GLCCI1: variants seen among roughly 807,000 people sequenced by gnomAD.
The protein encoded by GLCCI1 is glucocorticoid-induced transcript 1 protein.
Under a neutral mutation model 52.2 loss-of-function variants are expected in GLCCI1, and 24 were observed. The ratio of observed to expected loss-of-function variants is 0.46; its 90% CI spans 0.33 to 0.65. The LOEUF is 0.65. Ranked by LOEUF, GLCCI1 falls within the 30% of genes least tolerant of loss-of-function variation. The pLI is 0.02. For synonymous variants in GLCCI1, 310 were observed against 276.5 expected (o/e 1.12, Z -1.20); for missense variants, 704 against 701.5 (o/e 1.00, Z -0.04).
intron 1 of GLCCI1, among the ~76,000 whole-genome samples, chr7:7,995,907 AAT>A (rs951331109): frequency 1.9e-4 from 29 of 151,914 alleles, no homozygotes; most frequent in African/African-American, 6.7e-4. Flanking sequence ...TAATAAAAAA[AAT>A]AAAATAAATT....
chr7:7,999,236 T>C lies in GLCCI1; in HGVS notation c.458-4672T>C, dbSNP rs75568341. ...ATTAAGTAAATATAGAGTAAATAAGTAAAAGTATAGATTAGAATATTATTA... is the reference window on the plus strand; with the variant it reads ...ATTAAGTAAATATAGAGTAAATAAGCAAAAGTATAGATTAGAATATTATTA... On this transcript the variant is annotated intron_variant, in intron 1 of 7. Transcript: ENST00000223145. Among the ~76,000 whole-genome samples the C allele has an allele frequency of 1.7e-3, 258 of 152,166 alleles. 2 individuals carry two copies. The East Asian group carries it at 0.027, about 16-fold the overall frequency.
chr7:7,970,026 T>C (rs750877723), intron 1 of GLCCI1: 520 of 398,352 alleles, frequency 1.3e-3, no homozygotes, highest in Non-Finnish European at 1.8e-3. Context: ...GAGTCTCTCT[T>C]CCATCACTCG....
intron 6 of GLCCI1, among the ~76,000 whole-genome samples, chr7:8,074,455 G>A (rs931620374): frequency 6.6e-5 from 10 of 151,900 alleles, no homozygotes; most frequent in African/African-American, 1.5e-4. Flanking sequence ...AGGTCAAGGC[G>A]GGCAGCTCAC....
At chr7:8,061,647 C>G (rs1344386449) in intron 5 of GLCCI1, among the ~76,000 whole-genome samples, 1 of 138,456 alleles carries the variant, frequency 7.2e-6, no homozygotes, top group Non-Finnish European at 1.5e-5. Context: ...TCTCTGTTTA[C>G]CATTGAACTC....
At chr7:8,018,684 C>T (rs557832981) in intron 2 of GLCCI1, among the ~76,000 whole-genome samples, 3 of 152,194 alleles carry the variant, frequency 2.0e-5, no homozygotes, top group South Asian at 4.1e-4. Context: ...ATCCTTTTTA[C>T]ATAGAGGCTT....
intron 3 of GLCCI1, among the ~76,000 whole-genome samples, chr7:8,041,903 T>C (rs552818144): frequency 6.6e-6 from 1 of 152,300 alleles, no homozygotes; most frequent in Admixed American, 6.5e-5. Context: ...CAGCTGATGA[T>C]TTAAGCCAGT....
At chr7:8,030,664 AAGG>A (rs1391165518) in intron 3 of GLCCI1, among the ~76,000 whole-genome samples, 1 of 152,188 alleles carries the variant, frequency 6.6e-6, no homozygotes, top group Non-Finnish European at 1.5e-5. Context: ...CAGAATATAT[AAGG>A]AGCTCAAAGA....
intron 3 of GLCCI1, among the ~76,000 whole-genome samples, chr7:8,053,719 A>G (rs1782322139): frequency 6.6e-6 from 1 of 152,142 alleles, no homozygotes. Context: ...CTTCTTGACT[A>G]GAATTTGAAA....
chr7:8,083,859 AAC>A lies in GLCCI1; in HGVS notation c.1178-1036_1178-1035del, dbSNP rs549153665. On this transcript the variant is annotated intron_variant, in intron 6 of 7. Transcript: ENST00000223145. ...GTTATAACTTCATTAATGATGATAA[AAC>A]ATTCTTATTAGTCAGATTTTAAATA... Among the ~76,000 whole-genome samples, 130 of 152,308 alleles carry A rather than the reference AAC, an allele frequency of 8.5e-4. 1 individual carries two copies. The South Asian group carries it at 0.018, about 21-fold the overall frequency.
At chr7:8,073,463 G>C (rs1336024541) in intron 6 of GLCCI1, among the ~76,000 whole-genome samples, 1 of 151,938 alleles carries the variant, frequency 6.6e-6, no homozygotes, top group East Asian at 1.9e-4. Context: ...CTACATACCA[G>C]ATATCTGCCT....
chr7:7,989,712 T>G (rs1217862381), intron 1 of GLCCI1, among the ~76,000 whole-genome samples: 1 of 152,150 alleles, frequency 6.6e-6, no homozygotes, highest in East Asian at 1.9e-4. Context: ...TGTAAGTAGA[T>G]ATACTAGGTG....
At chr7:8,067,523 C>G (rs769112467) in intron 5 of GLCCI1, among the ~76,000 whole-genome samples, 3 of 152,162 alleles carry the variant, frequency 2.0e-5, no homozygotes, top group Non-Finnish European at 4.4e-5. Flanking sequence ...TCTTTCCTTT[C>G]CAGATTTAGC....
rs774377964 is a variant in GLCCI1, at chr7:8,086,341, T to C, written c.1447T>C (p.Ser483Pro). The C allele has an allele frequency of 8.7e-6, 14 of 1,614,042 alleles. No individual in the cohort carries two copies. The highest frequency in any genetic ancestry group is 4.4e-5 in the South Asian group (4 of 91,080). The stretch of plus-strand genomic sequence containing the variant: ...CCTTATGCTCAAGAACTCCCCTAAC[T>C]CTGGCCAGAGCTCAGCTTTGGCAAC... ...SDLMLKNSPN[S>P]GQSSALATLT... is the part of the protein sequence containing the mutation. The change falls in exon 8 of 8, where the codon TCT becomes CCT. Residue 483 changes from serine to proline, a missense_variant. Around this residue, in one of 3 missense-constraint regions of GLCCI1, gnomAD observed 149 missense variants for 152.9 expected, o/e 0.97. Transcript: ENST00000223145. This position sits in a 1 kb window ranked among gnomAD's most constrained non-coding sequence, Gnocchi z 4.4.
At chr7:8,044,585 G>A (rs1269636880) in intron 3 of GLCCI1, among the ~76,000 whole-genome samples, 1 of 152,058 alleles carries the variant, frequency 6.6e-6, no homozygotes, top group Admixed American at 6.5e-5. Flanking sequence ...TGCCCAGGCT[G>A]GTCTCAATCT....
intron 4 of GLCCI1, among the ~76,000 whole-genome samples, chr7:8,059,223 A>G (rs1478136984): frequency 6.6e-6 from 1 of 152,216 alleles, no homozygotes; most frequent in African/African-American, 2.4e-5. Flanking sequence ...TAAAACCTCA[A>G]TATGAGAAAA....
At chr7:8,061,905 G>T (rs1782524869) in intron 5 of GLCCI1, among the ~76,000 whole-genome samples, 2 of 151,894 alleles carry the variant, frequency 1.3e-5, no homozygotes, top group African/African-American at 4.8e-5. Context: ...CACCTCAAGT[G>T]ATCCGCCCAC....
intron 6 of GLCCI1, among the ~76,000 whole-genome samples, chr7:8,080,954 C>T (rs772668175): frequency 5.3e-5 from 8 of 150,848 alleles, no homozygotes; most frequent in Non-Finnish European, 1.5e-5. Context: ...TGGTTACAGG[C>T]GTAAGCCACC....
chr7:8,076,856 T>C (rs1782886135), intron 6 of GLCCI1, among the ~76,000 whole-genome samples: 1 of 152,188 alleles, frequency 6.6e-6, no homozygotes, highest in Non-Finnish European at 1.5e-5. Context: ...ATTAAGACCT[T>C]TGTTCATGAT....
At chr7:8,023,070 C>T (rs543626892) in intron 3 of GLCCI1, among the ~76,000 whole-genome samples, 24 of 152,300 alleles carry the variant, frequency 1.6e-4, no homozygotes, top group African/African-American at 2.9e-4. Context: ...GGCTGGAATG[C>T]GGTGGCGCAA....
Sources: allele counts gnomAD v4.1 joint callset (sites outside exome capture counted in the v4.1 genomes callset), GRCh38; gene constraint gnomAD v4.1.1; regional missense constraint gnomAD v4.1.1; non-coding constraint Gnocchi (gnomAD v3.1); transcripts MANE v1.5; gene names NCBI Gene and HGNC (gene_info 2026-07-23, HGNC 2026-07-21).